The following NDC80 variants were observed in gnomAD, a reference collection of about 807,000 sequenced individuals.
The protein encoded by NDC80 is kinetochore protein NDC80 homolog.
Under a neutral mutation model 89.3 loss-of-function variants are expected in NDC80, and 69 were observed. The ratio of observed to expected loss-of-function variants is 0.77; its 90% confidence interval spans 0.64 to 0.94. The LOEUF is 0.94. Ranked by LOEUF, NDC80 falls within the 40% of genes least tolerant of loss-of-function variation. The pLI is 0.00. For missense variants in NDC80, 593 were observed against 739.6 expected (o/e 0.80, Z 2.30); for synonymous variants, 243 against 255.6 (o/e 0.95, Z 0.47).
chr18:2,614,275 A>G (rs979797210), intron 16 of NDC80, among the ~76,000 whole-genome samples: 13 of 152,086 alleles, frequency 8.5e-5, no homozygotes, highest in Admixed American at 3.9e-4. Flanking sequence ...CATCTCTACT[A>G]AAAATACAAA....
At chr18:2,581,877 A>G (rs1381731888) in intron 6 of NDC80, among the ~76,000 whole-genome samples, 1 of 152,104 alleles carries the variant, frequency 6.6e-6, no homozygotes, top group Admixed American at 6.5e-5. Flanking sequence ...TCAGATTTTA[A>G]CAAAATCTTG....
intron 6 of NDC80, among the ~76,000 whole-genome samples, chr18:2,583,332 T>G (rs1041185914): frequency 6.6e-6 from 1 of 152,168 alleles, no homozygotes; most frequent in South Asian, 2.1e-4. Flanking sequence ...AGAAGCTGTC[T>G]TTACCCTGAT....
intron 5 of NDC80, among the ~76,000 whole-genome samples, chr18:2,578,415 G>T (rs1372348407): frequency 6.6e-6 from 1 of 151,510 alleles, no homozygotes; most frequent in Non-Finnish European, 1.5e-5. Context: ...ACTTTTCTTT[G>T]TTTAAAAAAA....
At chr18:2,609,428 C>T (rs920792411) in intron 15 of NDC80, among the ~76,000 whole-genome samples, 1 of 151,854 alleles carries the variant, frequency 6.6e-6, no homozygotes, top group Non-Finnish European at 1.5e-5. Flanking sequence ...CTCATGAGGC[C>T]GAGACAGGAG....
At chr18:2,600,479 C>G (rs948794947) in intron 12 of NDC80, among the ~76,000 whole-genome samples, 1 of 151,850 alleles carries the variant, frequency 6.6e-6, no homozygotes, top group Non-Finnish European at 1.5e-5. Flanking sequence ...TGTGGTGGTG[C>G]ACACCTGTAG....
At chr18:2,603,826 G>T (rs2072696889) in intron 13 of NDC80, among the ~76,000 whole-genome samples, 1 of 152,128 alleles carries the variant, frequency 6.6e-6, no homozygotes, top group Admixed American at 6.5e-5. Flanking sequence ...CTCTTCAAAA[G>T]ACTCCAATAA....
rs951102824 is a variant in NDC80, at chr18:2,580,742, T to A, written c.579+1713T>A. ...GGTCTCACCATCAGATTTTTTTTTT[T>A]TTTTTTTTTTTTTTTTTTGAGACGA... On this transcript the variant is annotated intron_variant, in intron 6 of 16. Coordinates refer to ENST00000261597, the MANE Select transcript of NDC80 (RefSeq NM_006101.3). 2.3e-3 allele frequency among the ~76,000 whole-genome samples: 268 copies of A among 115,466 alleles called. 5 individuals are homozygous for A. The highest frequency in any genetic ancestry group is 8.5e-3 in the African/African-American group (249 of 29,334). The allele number at this position is 115,466 out of a possible 152,430, so 75.8% of individuals were successfully genotyped here.
At position 2,573,134 on chromosome 18, in the gene NDC80, G is replaced by A. The variant is rs903880639; in HGVS notation, c.101+48G>A. 4 of 1,429,116 alleles carry A rather than the reference G, an allele frequency of 2.8e-6. No homozygotes were observed. The African/African-American group carries it at 5.7e-5, about 20-fold the overall frequency. The allele number at this position is 1,429,116 out of a possible 1,614,324, so 88.5% of individuals were successfully genotyped here. Reference sequence around the variant, plus strand: ...TAATTTGCATGCTTTATCATCTTAGGCAAAGAAATCATAAGAAATAGTTAA... The same window carrying A: ...TAATTTGCATGCTTTATCATCTTAGACAAAGAAATCATAAGAAATAGTTAA... On this transcript the variant is annotated intron_variant, in intron 2 of 16. Transcript: ENST00000261597.
intron 13 of NDC80, among the ~76,000 whole-genome samples, chr18:2,604,430 C>T (rs937976260): frequency 1.3e-5 from 2 of 152,216 alleles, no homozygotes; most frequent in African/African-American, 4.8e-5. Context: ...CGCCTGTAAT[C>T]CTAGCACTTT....
Position 2,608,716 on chromosome 18 carries a change from A to T in NDC80, c.1574A>T (p.Asp525Val). 1 of 1,612,576 alleles carries T rather than the reference A, an allele frequency of 6.2e-7. No homozygotes were observed. The highest frequency in any genetic ancestry group is 8.5e-7 in the Non-Finnish European group (1 of 1,178,844). The change falls in exon 15 of 17, where the codon GAT becomes GTT. Residue 525 changes from aspartate to valine, a missense_variant. Physicochemically the swap from Asp to Val is radical, Grantham distance 152 (BLOSUM62 -3). Coordinates refer to ENST00000261597, the MANE Select transcript of NDC80 (RefSeq NM_006101.3). ...TCCTGATAGGAAGCAGAGGAAGAGG[A>T]TGAAAAATGTGCCAGTGAGCTTGAG... ...QQKIKEAEEE[D>V]EKCASELESL...
intron 6 of NDC80, among the ~76,000 whole-genome samples, chr18:2,579,472 G>T (rs558241895): frequency 1.3e-5 from 2 of 152,224 alleles, no homozygotes; most frequent in African/African-American, 4.8e-5. Context: ...GTGTTGCCCA[G>T]GCTGGAGTGC....
chr18:2,589,954 A>T, intron 9 of NDC80, 64 bp from the exon 10 acceptor site: 1 of 1,110,268 alleles, frequency 9.0e-7, no homozygotes, highest in Non-Finnish European at 1.2e-6. Context: ...ATATTGCTTT[A>T]CTTTAAAATA....
chr18:2,604,911 T>C (rs1040895866), intron 13 of NDC80, among the ~76,000 whole-genome samples: 1 of 152,118 alleles, frequency 6.6e-6, no homozygotes, highest in African/African-American at 2.4e-5. Context: ...GAAGAATAGA[T>C]GAGAGGTGCA....
rs2143632661 is a variant in NDC80, at chr18:2,578,086, G to A, written c.421G>A (p.Glu141Lys). 6.2e-7 allele frequency: 1 copy of A among 1,613,942 alleles called. No individual in the cohort carries two copies. The highest frequency in any genetic ancestry group is 8.5e-7 in the Non-Finnish European group (1 of 1,179,974). The change falls in exon 5 of 17, where the codon GAA becomes AAA. Residue 141 changes from glutamate to lysine, a missense_variant. By Grantham distance (56) the Glu-to-Lys change is moderately conservative. Coordinates refer to ENST00000261597, the MANE Select transcript of NDC80 (RefSeq NM_006101.3). ...FLYGFLCPSY[E>K]LPDTKFEEEV... ...TTATGGCTTCCTGTGCCCCTCATACGAACTTCCTGACACAAAGTTTGAAGA... is the reference window on the plus strand; with the variant it reads ...TTATGGCTTCCTGTGCCCCTCATACAAACTTCCTGACACAAAGTTTGAAGA...
intron 6 of NDC80, among the ~76,000 whole-genome samples, chr18:2,584,792 C>T (rs1048736194): frequency 1.2e-4 from 18 of 152,104 alleles, no homozygotes; most frequent in Non-Finnish European, 1.9e-4. Flanking sequence ...TATATTTGCA[C>T]TTACTGGGTT....
chr18:2,614,496 G>GAAA (rs2072764742), intron 16 of NDC80: 1 of 4,110 alleles, frequency 2.4e-4, no homozygotes. Flanking sequence ...AGGAAGGAAG[G>GAAA]AAGGAAGGAA....
intron 9 of NDC80, among the ~76,000 whole-genome samples, chr18:2,589,798 T>C (rs2072618251): frequency 7.4e-6 from 1 of 135,998 alleles, no homozygotes; most frequent in Non-Finnish European, 1.5e-5. Context: ...AGATTTTAAA[T>C]ATTTGTGCTT....
At chr18:2,582,927 G>A (rs113058540) in intron 6 of NDC80, 15 of 152,274 alleles carry the variant, frequency 9.9e-5, no homozygotes, top group African/African-American at 3.6e-4. Context: ...TTTAGCTAAA[G>A]TTACTAAGTC....
chr18:2,601,331 TG>T, intron 12 of NDC80, 64 bp from the exon 13 acceptor site: 1 of 679,782 alleles, frequency 1.5e-6, no homozygotes, highest in East Asian at 3.1e-5. Context: ...AGTGTGTAGA[TG>T]CTTCAGGAGG....
Sources: gnomAD v4.1 joint callset for allele counts (sites outside exome capture counted in the v4.1 genomes callset) on GRCh38, gnomAD v4.1.1 for gene constraint, MANE v1.5 for transcripts, NCBI Gene and HGNC (gene_info 2026-07-23, HGNC 2026-07-21) for gene names.